Variants in PRLR observed in about 807,000 individuals in gnomAD.
The protein encoded by PRLR is prolactin receptor.
PRLR carries 13 observed loss-of-function variants against 40.2 expected under a neutral mutation model. The ratio of observed to expected loss-of-function variants is 0.32; its 90% CI spans 0.21 to 0.51. The LOEUF is 0.51. Ranked by LOEUF, PRLR falls within the 20% of genes least tolerant of loss-of-function variation. The pLI is 0.97. For missense variants in PRLR, 656 were observed against 747.3 expected (o/e 0.88, Z 1.42); for synonymous variants, 269 against 278.7 (o/e 0.97, Z 0.35).
At chr5:35,209,714 C>G (rs1017290827) in intron 1 of PRLR, among the ~76,000 whole-genome samples, 3 of 152,204 alleles carry the variant, frequency 2.0e-5, no homozygotes, top group Non-Finnish European at 4.4e-5. Context: ...GCACAATATT[C>G]ATTTCCACGA....
At chr5:35,148,700 T>G (rs1774256227) in intron 1 of PRLR, among the ~76,000 whole-genome samples, 1 of 152,176 alleles carries the variant, frequency 6.6e-6, no homozygotes, top group Non-Finnish European at 1.5e-5. Flanking sequence ...AATTCCTTCC[T>G]TCTCTTAGAA....
chr5:35,162,831 A>G (rs548023077), intron 1 of PRLR, among the ~76,000 whole-genome samples: 13 of 152,222 alleles, frequency 8.5e-5, no homozygotes, highest in Non-Finnish European at 1.6e-4. Flanking sequence ...ACCCCTTGTA[A>G]GTAAAATGAT....
chr5:35,197,959 A>C (rs1469041870), intron 1 of PRLR, among the ~76,000 whole-genome samples: 2 of 152,210 alleles, frequency 1.3e-5, no homozygotes, highest in Non-Finnish European at 2.9e-5. Context: ...ACCGCCTCTG[A>C]TGGCTGTCCT....
intron 1 of PRLR, among the ~76,000 whole-genome samples, chr5:35,208,939 T>A (rs1776095192): frequency 6.6e-6 from 1 of 152,088 alleles, no homozygotes; most frequent in African/African-American, 2.4e-5. Flanking sequence ...CTTAACAAAT[T>A]AGCAAAATCA....
chr5:35,069,427 T>C (rs1769603705), intron 7 of PRLR, among the ~76,000 whole-genome samples: 1 of 152,202 alleles, frequency 6.6e-6, no homozygotes, highest in Admixed American at 6.5e-5. Flanking sequence ...CTTTCCAGCA[T>C]GCCAAGCCAA....
intron 1 of PRLR, among the ~76,000 whole-genome samples, chr5:35,146,011 C>T (rs1444612569): frequency 1.3e-5 from 2 of 152,172 alleles, no homozygotes; most frequent in Admixed American, 6.5e-5. Flanking sequence ...CCTTAAGTCA[C>T]TGGTGGTGTG....
At chr5:35,132,376 A>C (rs1006400789) in intron 1 of PRLR, among the ~76,000 whole-genome samples, 9 of 152,118 alleles carry the variant, frequency 5.9e-5, no homozygotes, top group African/African-American at 2.2e-4. Flanking sequence ...TCCAGCCCAA[A>C]GGAAATCTTG....
At chr5:35,171,039 GT>G (rs1186621913) in intron 1 of PRLR, among the ~76,000 whole-genome samples, 1 of 142,716 alleles carries the variant, frequency 7.0e-6, no homozygotes, top group Non-Finnish European at 1.5e-5. Context: ...TCTGTTTGCT[GT>G]TTTTCCCTGT....
chr5:35,228,098 G>A (rs1281201363), intron 1 of PRLR, among the ~76,000 whole-genome samples: 1 of 152,142 alleles, frequency 6.6e-6, no homozygotes, highest in Non-Finnish European at 1.5e-5. Context: ...ATAGGAGAGA[G>A]AGAGTAAGCT....
In PRLR at chr5:35,230,250, C is replaced by T. The variant is rs759485187; in HGVS notation, c.-106+18G>A. 1.3e-5 allele frequency: 2 copies of T among 152,262 alleles called. No individual in the cohort carries two copies. The highest frequency in any genetic ancestry group is 2.9e-5 in the Non-Finnish European group (2 of 68,068). 9.4% of individuals were successfully genotyped at this position (152,262 alleles called of 1,614,324 possible). On this transcript the variant is annotated intron_variant, in intron 1 of 9. Transcript: ENST00000618457. ...CGCGCGCCGTCGGAGGCGGCCTCAG[C>T]TCGCCATGGGTACTCACTTTTGCCA...
chr5:35,110,676 A>G (rs960799918), intron 2 of PRLR, among the ~76,000 whole-genome samples: 2 of 152,102 alleles, frequency 1.3e-5, no homozygotes, highest in African/African-American at 4.8e-5. Context: ...CTCAAAGTCA[A>G]CCCCATGGGG....
chr5:35,049,674 C>G (rs1006175185), intron 8 of PRLR, among the ~76,000 whole-genome samples: 3 of 152,122 alleles, frequency 2.0e-5, no homozygotes, highest in Non-Finnish European at 4.4e-5. Flanking sequence ...GTTTCAGAAA[C>G]TGAAAGTCTT....
chr5:35,211,368 T>G (rs1776163152), intron 1 of PRLR, among the ~76,000 whole-genome samples: 1 of 152,162 alleles, frequency 6.6e-6, no homozygotes, highest in African/African-American at 2.4e-5. Context: ...TCACTGCACT[T>G]CAAGGACTCA....
At chr5:35,124,138 G>A (rs964350883) in intron 1 of PRLR, among the ~76,000 whole-genome samples, 1 of 152,192 alleles carries the variant, frequency 6.6e-6, no homozygotes, top group African/African-American at 2.4e-5. Flanking sequence ...AAAGGCACAA[G>A]AAGAGAGACC....
At position 35,150,103 on chromosome 5, in the gene PRLR, C is replaced by T. The variant is rs537163701; in HGVS notation, c.-105-31981G>A. Among the ~76,000 whole-genome samples the T allele has an allele frequency of 2.0e-5, 3 of 152,260 alleles. No homozygotes were observed. The South Asian group carries it at 6.2e-4, about 32-fold the overall frequency. ...TTCTCCATGTTGGTCAGGCTGGTCT[C>T]GAACTCCCAACCTCAGGTGATACGC... On this transcript the variant is annotated intron_variant, in intron 1 of 9. Coordinates refer to ENST00000618457, the MANE Select transcript of PRLR (RefSeq NM_000949.7).
intron 1 of PRLR, among the ~76,000 whole-genome samples, chr5:35,170,477 A>ATGGTCT (rs1774968013): frequency 6.6e-6 from 1 of 152,192 alleles, no homozygotes; most frequent in African/African-American, 2.4e-5. Context: ...CAATGTGGCA[A>ATGGTCT]ACCTCTGTCT....
chr5:35,085,870 C>T (rs1056168550), intron 4 of PRLR, among the ~76,000 whole-genome samples: 7 of 152,176 alleles, frequency 4.6e-5, no homozygotes, highest in Admixed American at 2.0e-4. Flanking sequence ...CCATTTGACC[C>T]TTCTGCTGGT....
intron 1 of PRLR, among the ~76,000 whole-genome samples, chr5:35,218,471 T>C (rs1195861678): frequency 6.6e-6 from 1 of 152,236 alleles, no homozygotes; most frequent in Non-Finnish European, 1.5e-5. Flanking sequence ...TAGCCATTGC[T>C]GAATAGTTCA....
At position 35,125,184 on chromosome 5, in the gene PRLR, T is replaced by C. The variant is rs1211378809; in HGVS notation, c.-105-7062A>G. 2.3e-4 allele frequency among the ~76,000 whole-genome samples: 35 copies of C among 152,202 alleles called. 1 individual carries two copies. Among genetic ancestry groups the C allele is most frequent in the Admixed American group, 2.3e-3 (35 of 15,276 alleles). On this transcript the variant is annotated intron_variant, in intron 1 of 9. Coordinates refer to ENST00000618457, the MANE Select transcript of PRLR (RefSeq NM_000949.7). ...CATGAGAGGACCAAATCAGCATCAC[T>C]GAAACACAGGTGGTTGTTCCAGTCC...
Sources: allele counts gnomAD v4.1 joint callset (sites outside exome capture counted in the v4.1 genomes callset), GRCh38; gene constraint gnomAD v4.1.1; transcripts MANE v1.5; gene names NCBI Gene and HGNC (gene_info 2026-07-23, HGNC 2026-07-21).